TMEM94: variants seen among roughly 807,000 people sequenced by gnomAD.
TMEM94 encodes ER Mg2+ ATPase.
TMEM94 carries 81 observed loss-of-function variants against 158.6 expected under a neutral mutation model. The ratio of observed to expected loss-of-function variants is 0.51; its 90% CI spans 0.43 to 0.61. TMEM94 has a LOEUF of 0.61. Ranked by LOEUF, TMEM94 falls within the 20% of genes least tolerant of loss-of-function variation. The pLI is 0.00. For synonymous variants in TMEM94, 751 were observed against 730.7 expected (o/e 1.03, Z -0.45); for missense variants, 1,435 against 1,762.0 (o/e 0.81, Z 3.32).
At chr17:75,470,950 A>C (rs188581063) in intron 1 of TMEM94, among the ~76,000 whole-genome samples, 4 of 149,398 alleles carry the variant, frequency 2.7e-5, no homozygotes, top group Non-Finnish European at 5.9e-5. Flanking sequence ...ATAATAAAGA[A>C]AATGAAGGTC....
intron 2 of TMEM94, among the ~76,000 whole-genome samples, chr17:75,473,202 G>A (rs2050560997): frequency 6.6e-6 from 1 of 152,202 alleles, no homozygotes; most frequent in South Asian, 2.1e-4. Flanking sequence ...GGCTTCCTAT[G>A]TCTCTGGACC....
At chr17:75,475,046 A>G (rs961699784) in intron 2 of TMEM94, among the ~76,000 whole-genome samples, 1 of 152,078 alleles carries the variant, frequency 6.6e-6, no homozygotes, top group Non-Finnish European at 1.5e-5. Context: ...TGTCACATAG[A>G]AGGGACAGTG....
At chr17:75,493,156 G>C in intron 16 of TMEM94, 54 bp downstream of exon 16, 1 of 1,567,398 alleles carries the variant, frequency 6.4e-7, no homozygotes, top group Non-Finnish European at 8.7e-7. Flanking sequence ...GAGCTTGGCA[G>C]GGGGGCTCTG....
chr17:75,492,663 G>A lies in TMEM94; in HGVS notation c.1786G>A (p.Ala596Thr), dbSNP rs752263227. 18 of 1,613,948 alleles carry A rather than the reference G, an allele frequency of 1.1e-5. No individual in the cohort carries two copies. In the East Asian group the frequency reaches 4.0e-4, roughly 36 times the overall value. ...GLNVLLNLCD[A>T]SVTERLCRFS... ...CAATGTGCTGCTGAACCTGTGTGAT[G>A]CCAGCGTCACCGAGCGCCTGTGCCG... The change falls in exon 15 of 32, where the codon GCC becomes ACC. Residue 596 changes from alanine (A) to threonine (T), a missense_variant. By Grantham distance (58) the Ala-to-Thr change is moderately conservative. Transcript: ENST00000314256. The surrounding 1 kb of genome is among the most constrained non-coding windows in gnomAD (Gnocchi z 4.4).
intron 1 of TMEM94, among the ~76,000 whole-genome samples, chr17:75,471,251 A>AAAGAAAG (rs34583449): frequency 4.2e-5 from 6 of 141,390 alleles, no homozygotes; most frequent in African/African-American, 1.8e-4. Flanking sequence ...AAAAAAAAAA[A>AAAGAAAG]AAAGAAAGAA....
Position 75,491,531 on chromosome 17 carries a change from G to A in TMEM94, c.1386+76G>A. 1 of 1,606,522 alleles carries A rather than the reference G, an allele frequency of 6.2e-7. No homozygotes were observed. The highest frequency in any genetic ancestry group is 8.5e-7 in the Non-Finnish European group (1 of 1,174,634). On this transcript the variant is annotated intron_variant, in intron 13 of 31. Coordinates refer to ENST00000314256, the MANE Select transcript of TMEM94 (RefSeq NM_014738.6). This position sits in a 1 kb window ranked among gnomAD's most constrained non-coding sequence, Gnocchi z 5.1. ...TGTTTAGCCTTGGAGCCTGGCCAGG[G>A]AGGGTGAGGTTTCGGAGGGCGAAGG...
chr17:75,474,964 G>A (rs1346941714), intron 2 of TMEM94, among the ~76,000 whole-genome samples: 2 of 152,084 alleles, frequency 1.3e-5, no homozygotes, highest in Non-Finnish European at 2.9e-5. Context: ...AGGGAGGCAG[G>A]GCCCAGAGAG....
chr17:75,476,613 CTCTT>C, intron 2 of TMEM94: 3 of 1,524,646 alleles, frequency 2.0e-6, no homozygotes, highest in Non-Finnish European at 2.6e-6. Flanking sequence ...CTCTCTCTCT[CTCTT>C]TTCACCCTCC....
In TMEM94 at chr17:75,495,809, T is replaced by A; in HGVS notation, c.2945-157T>A. On this transcript the variant is annotated intron_variant, in intron 22 of 31. Transcript: ENST00000314256. The surrounding 1 kb of genome is among the most constrained non-coding windows in gnomAD (Gnocchi z 5.6). ...GAATCTTGTGGGTTGGAGTCAGAAG[T>A]GCCGATGTTCACATGATCCCGCTGC... 2.4e-6 allele frequency: 2 copies of A among 837,512 alleles called. No homozygotes were observed. Among genetic ancestry groups the A allele is most frequent in the Admixed American group, 2.3e-5 (1 of 43,134 alleles). 51.9% of individuals were successfully genotyped at this position (837,512 alleles called of 1,614,324 possible).
intron 1 of TMEM94, among the ~76,000 whole-genome samples, chr17:75,458,980 C>T (rs1047550192): frequency 3.3e-5 from 5 of 151,384 alleles, no homozygotes; most frequent in Non-Finnish European, 7.4e-5. Context: ...TGGCGTGAAC[C>T]CGGGAGGCAG....
At chr17:75,461,739 T>A (rs939788763) in intron 1 of TMEM94, among the ~76,000 whole-genome samples, 1 of 151,258 alleles carries the variant, frequency 6.6e-6, no homozygotes, top group African/African-American at 2.4e-5. Context: ...CTGGCTAACA[T>A]GGTGAAACCC....
In TMEM94 at chr17:75,487,977, A is replaced by G. The variant is rs1164157290; in HGVS notation, c.455A>G (p.Tyr152Cys). The G allele has an allele frequency of 1.9e-6, 3 of 1,614,162 alleles. No individual in the cohort carries two copies. The highest frequency in any genetic ancestry group is 2.5e-6 in the Non-Finnish European group (3 of 1,180,012). ...GAGATCCAGTGGCCCAGTGCCATGT[A>G]TCCAGACCTCCACATGCCTTTTGCG... The part of the protein sequence containing the change: ...GREIQWPSAM[Y>C]PDLHMPFAPS... The change falls in exon 6 of 32, where the codon TAT becomes TGT. Residue 152 changes from tyrosine to cysteine, a missense_variant. Tyr to Cys is a radical substitution (Grantham distance 194, BLOSUM62 -2). Transcript: ENST00000314256. The surrounding 1 kb of genome is among the most constrained non-coding windows in gnomAD (Gnocchi z 4.6).
At chr17:75,496,686 G>A (rs935288652) in intron 24 of TMEM94, 44 bp from the exon 25 acceptor site, 2 of 1,585,088 alleles carry the variant, frequency 1.3e-6, no homozygotes, top group East Asian at 2.2e-5. Flanking sequence ...GCCTGGGAGA[G>A]GCCAGGTAGA....
rs906808205 is a variant in TMEM94 at position 75,491,567 on chromosome 17, C to T, written c.1386+112C>T. ...TTCGGAGGGCGAAGGAGGGTTTGGG[C>T]ACCATTAGGATCTGCTTCTGGGCAG... On this transcript the variant is annotated intron_variant, in intron 13 of 31. Coordinates refer to ENST00000314256, the MANE Select transcript of TMEM94 (RefSeq NM_014738.6). The surrounding 1 kb of genome is among the most constrained non-coding windows in gnomAD (Gnocchi z 5.1). 4 of 1,568,706 alleles carry T rather than the reference C, an allele frequency of 2.5e-6. No individual in the cohort carries two copies. Among genetic ancestry groups the T allele is most frequent in the Middle Eastern group, 1.7e-4 (1 of 5,842 alleles).
At chr17:75,467,797 G>C (rs1369393584) in intron 1 of TMEM94, among the ~76,000 whole-genome samples, 2 of 152,006 alleles carry the variant, frequency 1.3e-5, no homozygotes, top group Non-Finnish European at 2.9e-5. Flanking sequence ...CTCCCAAAGT[G>C]CTGGGATTAC....
At position 75,498,385 on chromosome 17, in the gene TMEM94, C is replaced by A. The variant is rs1598446983; in HGVS notation, c.3639-59C>A. ...CTCGCCTCGAGGCTTCCTCCCTCCC[C>A]ACCCCAGCCTACCTCCCTGCGGCCC... On this transcript the variant is annotated intron_variant, in intron 28 of 31. Transcript: ENST00000314256. This position sits in a 1 kb window ranked among gnomAD's most constrained non-coding sequence, Gnocchi z 6.7. 4 of 1,611,322 alleles carry A rather than the reference C, an allele frequency of 2.5e-6. No individual in the cohort carries two copies. The highest frequency in any genetic ancestry group is 2.2e-5 in the East Asian group (1 of 44,848).
chr17:75,482,297 G>A (rs1222855057), intron 2 of TMEM94, among the ~76,000 whole-genome samples: 3 of 151,286 alleles, frequency 2.0e-5, no homozygotes, highest in Non-Finnish European at 4.4e-5. Context: ...AGTGAGCTGA[G>A]ATTGCGCCAC....
chr17:75,462,711 T>C (rs1271575271), intron 1 of TMEM94, among the ~76,000 whole-genome samples: 1 of 150,220 alleles, frequency 6.7e-6, no homozygotes, highest in African/African-American at 2.5e-5. Flanking sequence ...AGTTCTAGGC[T>C]TGACTCAGTG....
chr17:75,494,567 G>T, intron 18 of TMEM94, 60 bp from the exon 19 acceptor site: 1 of 1,552,412 alleles, frequency 6.4e-7, no homozygotes, highest in South Asian at 1.2e-5. Flanking sequence ...CTGTGTGTGT[G>T]GCCCTGGGCT....
Sources: allele counts gnomAD v4.1 joint callset (sites outside exome capture counted in the v4.1 genomes callset), GRCh38; gene constraint gnomAD v4.1.1; non-coding constraint Gnocchi (gnomAD v3.1); transcripts MANE v1.5; gene names NCBI Gene and HGNC (gene_info 2026-07-23, HGNC 2026-07-21).